Variants in CNTNAP2 observed in about 807,000 individuals in gnomAD.
CNTNAP2 encodes contactin-associated protein-like 2.
A neutral mutation model predicts 155.2 loss-of-function variants in CNTNAP2; 98 were observed. That is an observed-to-expected ratio of 0.63 (90% CI 0.54 to 0.75). The LOEUF is 0.75. Among genes scored for constraint, CNTNAP2 ranks in the 30% least tolerant of loss-of-function variants. The probability of loss-of-function intolerance (pLI) is 0.00; values close to 1 mark genes in which losing one functional copy is unlikely to be tolerated. For synonymous variants in CNTNAP2, 651 were observed against 631.2 expected (o/e 1.03, Z -0.47); for missense variants, 1,727 against 1,688.1 (o/e 1.02, Z -0.40).
chr7:147,861,170 A>T (rs554407200), intron 13 of CNTNAP2, among the ~76,000 whole-genome samples: 3 of 152,200 alleles, frequency 2.0e-5, no homozygotes, highest in Non-Finnish European at 4.4e-5. Flanking sequence ...TTCTACTCCC[A>T]AAGCACAAGC....
intron 1 of CNTNAP2, among the ~76,000 whole-genome samples, chr7:146,391,971 C>G (rs1017782270): frequency 1.3e-5 from 2 of 151,946 alleles, no homozygotes; most frequent in Admixed American, 1.3e-4. Context: ...GCACTTGTAC[C>G]CCCGAACTTA....
chr7:147,900,761 C>T (rs2538969), intron 13 of CNTNAP2, among the ~76,000 whole-genome samples: 49,268 of 151,876 alleles, frequency 0.32, 8,163 homozygotes, highest in Middle Eastern at 0.43. Context: ...GGACTAGAGG[C>T]GCCTGCCACT....
chr7:147,965,909 C>T (rs1801200854), intron 14 of CNTNAP2, among the ~76,000 whole-genome samples: 1 of 152,142 alleles, frequency 6.6e-6, no homozygotes, highest in African/African-American at 2.4e-5. Context: ...CTACGTCCCA[C>T]AGCATCTTCG....
At chr7:147,328,738 C>G (rs1795504050) in intron 9 of CNTNAP2, among the ~76,000 whole-genome samples, 1 of 152,096 alleles carries the variant, frequency 6.6e-6, no homozygotes. Flanking sequence ...AAGCCCCCAC[C>G]CTTATACATG....
At chr7:147,757,471 G>A (rs1424019612) in intron 13 of CNTNAP2, among the ~76,000 whole-genome samples, 1 of 152,090 alleles carries the variant, frequency 6.6e-6, no homozygotes, top group African/African-American at 2.4e-5. Context: ...AGATCTACAG[G>A]TGCTTCATGG....
intron 8 of CNTNAP2, among the ~76,000 whole-genome samples, chr7:147,269,921 G>A (rs576874938): frequency 3.5e-4 from 54 of 152,182 alleles, no homozygotes; most frequent in Middle Eastern, 6.8e-3. Context: ...AATGAGTTGG[G>A]TTTCGTGGCG....
chr7:146,796,679 A>G (rs1280760852), intron 2 of CNTNAP2, among the ~76,000 whole-genome samples: 1 of 152,122 alleles, frequency 6.6e-6, no homozygotes, highest in Non-Finnish European at 1.5e-5. Context: ...TTAAAAACTG[A>G]ATAACCTCAG....
rs35957905 is a variant in CNTNAP2, at chr7:148,099,421, TTGTG to T, written c.2384-18661_2384-18658del. On this transcript the variant is annotated intron_variant, in intron 15 of 23. Transcript: ENST00000361727. ...TCCTTGCAAGAAAAAAGCATTGCAA[TTGTG>T]TGTGTGTGTGTGTGTGTGTGTGTGT... 2.6e-3 allele frequency among the ~76,000 whole-genome samples: 364 copies of T among 141,006 alleles called. 1 individual carries two copies. Among genetic ancestry groups the T allele is most frequent in the Admixed American group, 4.8e-3 (67 of 14,074 alleles). 92.5% of individuals were successfully genotyped at this position (141,006 alleles called of 152,430 possible). A position where few individuals can be genotyped will look rare whatever the true frequency, so the allele number is the denominator to read the frequency against.
At chr7:146,127,109 C>T (rs1192944563) in intron 1 of CNTNAP2, among the ~76,000 whole-genome samples, 3 of 152,144 alleles carry the variant, frequency 2.0e-5, no homozygotes, top group African/African-American at 7.2e-5. Context: ...ATAATCTAAC[C>T]GACCATACTG....
chr7:146,867,509 G>A (rs1396141041), intron 3 of CNTNAP2, among the ~76,000 whole-genome samples: 1 of 152,106 alleles, frequency 6.6e-6, no homozygotes, highest in Non-Finnish European at 1.5e-5. Flanking sequence ...ATGGTAGAAT[G>A]ATTTATATAC....
intron 21 of CNTNAP2, among the ~76,000 whole-genome samples, chr7:148,341,325 C>G (rs1330338539): frequency 1.1e-4 from 16 of 150,644 alleles, no homozygotes; most frequent in Admixed American, 1.1e-3. Flanking sequence ...CTACCTAGTT[C>G]TAATCCGTAA....
intron 3 of CNTNAP2, among the ~76,000 whole-genome samples, chr7:146,947,517 GTGTGTATGTA>G (rs1377869979): frequency 1.5e-5 from 2 of 133,138 alleles, no homozygotes; most frequent in Non-Finnish European, 3.1e-5. Context: ...GATATATATA[GTGTGTATGTA>G]TGTGTGTGTG....
intron 3 of CNTNAP2, among the ~76,000 whole-genome samples, chr7:147,035,574 T>C (rs1799138652): frequency 6.6e-6 from 1 of 152,220 alleles, no homozygotes; most frequent in South Asian, 2.1e-4. Flanking sequence ...TCTCTCACTT[T>C]AGGGAACATT....
chr7:146,939,792 A>T (rs2049396), intron 3 of CNTNAP2, among the ~76,000 whole-genome samples: 6,693 of 152,342 alleles, frequency 0.044, 167 homozygotes, highest in South Asian at 0.076. Context: ...CTACAAAAAA[A>T]CTAAAGGAAT....
intron 1 of CNTNAP2, among the ~76,000 whole-genome samples, chr7:146,494,302 C>T (rs1024925744): frequency 1.3e-5 from 2 of 151,570 alleles, no homozygotes; most frequent in Non-Finnish European, 2.9e-5. Flanking sequence ...CCACTGCACT[C>T]CAGCCTGGGC....
intron 1 of CNTNAP2, among the ~76,000 whole-genome samples, chr7:146,564,416 C>A (rs954512627): frequency 6.6e-6 from 1 of 151,492 alleles, no homozygotes; most frequent in African/African-American, 2.4e-5. Context: ...TAGCTATGAC[C>A]ATTAAACTAG....
chr7:147,978,569 AGTGGGAG>A (rs918567783), intron 15 of CNTNAP2, among the ~76,000 whole-genome samples: 7 of 152,086 alleles, frequency 4.6e-5, no homozygotes, highest in African/African-American at 1.7e-4. Flanking sequence ...TAGCTTGGAC[AGTGGGAG>A]GTAAGGGAGT....
intron 1 of CNTNAP2, among the ~76,000 whole-genome samples, chr7:146,155,249 A>T (rs1029994214): frequency 3.9e-5 from 6 of 152,200 alleles, no homozygotes; most frequent in Non-Finnish European, 5.9e-5. Flanking sequence ...GGTAGCACAA[A>T]TCATTTATTT....
Position 147,126,550 on chromosome 7 carries a change from C to T in CNTNAP2, c.940-2143C>T, listed in dbSNP as rs1308911032. On this transcript the variant is annotated intron_variant, in intron 6 of 23. Coordinates refer to ENST00000361727, the MANE Select transcript of CNTNAP2 (RefSeq NM_014141.6). Reference sequence around the variant, plus strand: ...GTGCAATGGCAAGATCTCAGCTCACCGCAATCTCCGCCTCCTGGGTTCAAG... The same window carrying T: ...GTGCAATGGCAAGATCTCAGCTCACTGCAATCTCCGCCTCCTGGGTTCAAG... Among the ~76,000 whole-genome samples the T allele has an allele frequency of 5.9e-5, 9 of 152,202 alleles. No homozygotes were observed. The East Asian group carries it at 7.7e-4, about 13-fold the overall frequency.
Sources: allele counts gnomAD v4.1 joint callset (sites outside exome capture counted in the v4.1 genomes callset), GRCh38; gene constraint gnomAD v4.1.1; transcripts MANE v1.5; gene names NCBI Gene and HGNC (gene_info 2026-07-23, HGNC 2026-07-21).